Variants in LPIN1 observed in about 807,000 individuals in gnomAD.
The protein encoded by LPIN1 is phosphatidate phosphatase LPIN1.
Under a neutral mutation model 107.5 loss-of-function variants are expected in LPIN1, and 71 were observed. The observed-to-expected ratio is 0.66, with a 90% CI of 0.55 to 0.80. The LOEUF (loss-of-function observed/expected upper bound fraction) is 0.80, where lower values mean the gene tolerates loss of function less well. Among genes scored for constraint, LPIN1 ranks in the 30% least tolerant of loss-of-function variants. LPIN1 has a pLI of 0.00. For missense variants in LPIN1, 1,043 were observed against 1,160.6 expected, an observed-to-expected ratio of 0.90 and a Z score of 1.47; for synonymous variants, 445 against 452.6, an observed-to-expected ratio of 0.98 and a Z score of 0.21.
At chr2:11,699,965 C>T (rs1484629132) in intron 1 of LPIN1, among the ~76,000 whole-genome samples, 1 of 152,136 alleles carries the variant, frequency 6.6e-6, no homozygotes, top group African/African-American at 2.4e-5. Context: ...GTAATACCCA[C>T]AGCATTTGGA....
intron 1 of LPIN1, among the ~76,000 whole-genome samples, chr2:11,753,170 A>G (rs1668125332): frequency 6.6e-6 from 1 of 151,866 alleles, no homozygotes. Context: ...GCTCACTGCA[A>G]GAGCTGCAAA....
chr2:11,695,678 GT>G (rs1384618763), intron 1 of LPIN1, among the ~76,000 whole-genome samples: 1 of 152,098 alleles, frequency 6.6e-6, no homozygotes, highest in South Asian at 2.1e-4. Flanking sequence ...CTGTTTTTTT[GT>G]TTTATTTTTG....
At chr2:11,792,591 CA>C (rs1309508150) in intron 13 of LPIN1, among the ~76,000 whole-genome samples, 1 of 152,094 alleles carries the variant, frequency 6.6e-6, no homozygotes, top group Non-Finnish European at 1.5e-5. Context: ...CCATGTTGCC[CA>C]GGCTGGTCTC....
intron 3 of LPIN1, among the ~76,000 whole-genome samples, chr2:11,770,845 C>A (rs1277050644): frequency 6.6e-6 from 1 of 152,132 alleles, no homozygotes; most frequent in Non-Finnish European, 1.5e-5. Context: ...CTGGTGCAGG[C>A]AGGTTCTTGG....
At chr2:11,687,399 TG>T (rs1299380980) in intron 1 of LPIN1, among the ~76,000 whole-genome samples, 2 of 152,148 alleles carry the variant, frequency 1.3e-5, no homozygotes, top group Admixed American at 6.5e-5. Context: ...TAAATACGAC[TG>T]TGAGACTCTT....
Position 11,804,591 on chromosome 2 carries a change from G to A in LPIN1, c.2162+20G>A. On this transcript the variant is annotated intron_variant, in intron 16 of 20. Transcript: ENST00000674199. ...TACCAGGTAGGTCCTGCTGACTTGG[G>A]GCCCATGGTAGATTTCTTTGCTTCA... 1 of 1,612,252 alleles carries A rather than the reference G, an allele frequency of 6.2e-7. No individual in the cohort carries two copies. Among genetic ancestry groups the A allele is most frequent in the South Asian group, 1.1e-5 (1 of 91,014 alleles).
At chr2:11,718,565 A>G (rs1663907560) in intron 2 of LPIN1, among the ~76,000 whole-genome samples, 1 of 152,170 alleles carries the variant, frequency 6.6e-6, no homozygotes, top group Non-Finnish European at 1.5e-5. Flanking sequence ...TTGGCTTTAC[A>G]TTTGAGTTGG....
intron 2 of LPIN1, chr2:11,713,951 T>G (rs1663566154): frequency 1.8e-6 from 1 of 562,200 alleles, no homozygotes; most frequent in African/African-American, 1.9e-5. Flanking sequence ...CGCTGATGCT[T>G]TCAGAGATTG....
intron 1 of LPIN1, among the ~76,000 whole-genome samples, chr2:11,727,925 G>A (rs752802229): frequency 5.3e-5 from 8 of 152,164 alleles, no homozygotes; most frequent in African/African-American, 9.7e-5. Flanking sequence ...CTGCAGATGC[G>A]GAGGGCTGAC....
chr2:11,718,144 A>G (rs965091770), intron 2 of LPIN1, among the ~76,000 whole-genome samples: 4 of 151,888 alleles, frequency 2.6e-5, no homozygotes, highest in Non-Finnish European at 5.9e-5. Flanking sequence ...CCGGATTGCT[A>G]TTTTCTTCTT....
At chr2:11,720,349 A>G (rs113493989), upstream of LPIN1, among the ~76,000 whole-genome samples, 2,509 of 152,290 alleles carry the variant, frequency 0.016, 61 homozygotes, top group African/African-American at 0.055. Context: ...CAGGCACTGC[A>G]CTAGATACTT....
intron 1 of LPIN1, among the ~76,000 whole-genome samples, chr2:11,749,243 C>G (rs1409748603): frequency 6.6e-6 from 1 of 152,156 alleles, no homozygotes; most frequent in Non-Finnish European, 1.5e-5. Context: ...GAAATGTTCG[C>G]TTTCTGAGCT....
intron 2 of LPIN1, among the ~76,000 whole-genome samples, chr2:11,766,530 A>T (rs1340049416): frequency 6.6e-6 from 1 of 152,186 alleles, no homozygotes; most frequent in African/African-American, 2.4e-5. Flanking sequence ...TACATATTTA[A>T]TAAGCCACAG....
At chr2:11,710,787 C>A (rs182707912) in intron 1 of LPIN1, among the ~76,000 whole-genome samples, 5 of 152,184 alleles carry the variant, frequency 3.3e-5, no homozygotes, top group Admixed American at 3.3e-4. Context: ...TGGCTTCCAC[C>A]GTGACTGCCA....
chr2:11,723,919 C>T (rs1664348884), upstream of LPIN1: 2 of 152,030 alleles, frequency 1.3e-5, no homozygotes, highest in Admixed American at 1.3e-4. Flanking sequence ...ATCTTGATGC[C>T]TTTTTTATTC....
chr2:11,741,841 T>C (rs1267290554), upstream of LPIN1, among the ~76,000 whole-genome samples: 1 of 149,540 alleles, frequency 6.7e-6, no homozygotes, highest in Non-Finnish European at 1.5e-5. Flanking sequence ...AAAACAAAAA[T>C]TAGCTGGGTG....
chr2:11,772,058 C>G (rs1218407387), intron 4 of LPIN1, among the ~76,000 whole-genome samples: 1 of 152,216 alleles, frequency 6.6e-6, no homozygotes, highest in African/African-American at 2.4e-5. Flanking sequence ...GCATTAGATT[C>G]TCACAAGGAG....
intron 16 of LPIN1, 149 bp from the exon 17 acceptor site, chr2:11,804,921 A>T: frequency 6.0e-6 from 4 of 669,510 alleles, no homozygotes; most frequent in Non-Finnish European, 1.1e-5. Flanking sequence ...CGTCAGCATC[A>T]ACTTTGATGA....
intron 20 of LPIN1, among the ~76,000 whole-genome samples, chr2:11,822,789 G>T (rs938706548): frequency 3.3e-5 from 5 of 152,216 alleles, no homozygotes; most frequent in Non-Finnish European, 7.3e-5. Flanking sequence ...GGCAGGTCTT[G>T]CCATGCACGC....
Sources: allele counts gnomAD v4.1 joint callset (sites outside exome capture counted in the v4.1 genomes callset), GRCh38; gene constraint gnomAD v4.1.1; transcripts MANE v1.5; gene names NCBI Gene and HGNC (gene_info 2026-07-23, HGNC 2026-07-21).